AUTS2: variants seen among roughly 807,000 people sequenced by gnomAD.
AUTS2 encodes the protein activator of transcription and developmental regulator AUTS2, also known as autism susceptibility gene 2 protein.
In AUTS2, 17 loss-of-function variants were observed where a neutral mutation model predicts 112.4. The ratio of observed to expected loss-of-function variants is 0.15; its 90% confidence interval spans 0.10 to 0.23. The LOEUF (loss-of-function observed/expected upper bound fraction) is 0.23. Ranked by LOEUF, AUTS2 falls within the 10% of genes least tolerant of loss-of-function variation. The pLI, the probability that AUTS2 is intolerant of heterozygous loss-of-function variation, is 1.00. For missense variants in AUTS2, 1,510 were observed against 1,701.6 expected (o/e 0.89, Z 1.98); for synonymous variants, 751 against 702.7 (o/e 1.07, Z -1.09).
At chr7:70,179,461 T>C (rs1303777157) in intron 4 of AUTS2, among the ~76,000 whole-genome samples, 1 of 152,180 alleles carries the variant, frequency 6.6e-6, no homozygotes, top group Non-Finnish European at 1.5e-5. Flanking sequence ...CCTCCAGCAG[T>C]GTCACCTGCT....
At position 69,833,207 on chromosome 7, in the gene AUTS2, C is replaced by T. The variant is rs144008946; in HGVS notation, c.310-66079C>T. On this transcript the variant is annotated intron_variant, in intron 1 of 18. Transcript: ENST00000342771. ...GGTCCTCCAGTGATGTCTAGGTTAC[C>T]GGTCCGGGAACCACCCATTAAGAAT... is the stretch of plus-strand genomic sequence containing the variant. Among the ~76,000 whole-genome samples the T allele has an allele frequency of 7.5e-3, 1,146 of 152,156 alleles. 12 individuals carry two copies. Among genetic ancestry groups the T allele is most frequent in the South Asian group, 0.039 (189 of 4,822 alleles).
chr7:69,923,871 G>T (rs1795907138), intron 2 of AUTS2, among the ~76,000 whole-genome samples: 2 of 152,096 alleles, frequency 1.3e-5, no homozygotes, highest in African/African-American at 2.4e-5. Context: ...TTTCTACATG[G>T]ATGATCATAT....
intron 5 of AUTS2, among the ~76,000 whole-genome samples, chr7:70,602,939 A>C (rs1219297314): frequency 6.6e-6 from 1 of 152,212 alleles, no homozygotes; most frequent in South Asian, 2.1e-4. Context: ...CACAAGTGGT[A>C]TGTGCTGAGA....
intron 1 of AUTS2, among the ~76,000 whole-genome samples, chr7:69,710,845 A>G (rs1180917210): frequency 6.6e-6 from 1 of 152,140 alleles, no homozygotes; most frequent in Non-Finnish European, 1.5e-5. Context: ...TCTGAACTGT[A>G]TTTCATTTAG....
At chr7:70,714,517 TCCA>T (rs1383069266) in intron 6 of AUTS2, among the ~76,000 whole-genome samples, 2 of 152,164 alleles carry the variant, frequency 1.3e-5, no homozygotes, top group African/African-American at 4.8e-5. Flanking sequence ...TGATCTCATC[TCCA>T]TGATTGTCCC....
intron 5 of AUTS2, among the ~76,000 whole-genome samples, chr7:70,549,768 C>T: frequency 6.6e-6 from 1 of 152,164 alleles, no homozygotes; most frequent in East Asian, 1.9e-4. Flanking sequence ...GTTATTTCAG[C>T]AACCTGACCA....
chr7:70,737,270 T>A (rs1403731086), intron 6 of AUTS2, among the ~76,000 whole-genome samples: 1 of 152,204 alleles, frequency 6.6e-6, no homozygotes, highest in African/African-American at 2.4e-5. Flanking sequence ...GCAGAGACCA[T>A]GGGCATCAGC....
chr7:70,067,684 A>G (rs561977497), intron 2 of AUTS2, among the ~76,000 whole-genome samples: 2 of 152,262 alleles, frequency 1.3e-5, no homozygotes, highest in African/African-American at 4.8e-5. Flanking sequence ...CATCTCTACA[A>G]ATAATTTAAG....
chr7:69,949,225 C>T (rs902441881), intron 2 of AUTS2, among the ~76,000 whole-genome samples: 2 of 152,158 alleles, frequency 1.3e-5, no homozygotes, highest in African/African-American at 4.8e-5. Flanking sequence ...GTATGTAATG[C>T]ATATGATGTA....
At chr7:70,753,573 A>C (rs1226637445) in intron 6 of AUTS2, among the ~76,000 whole-genome samples, 2 of 152,206 alleles carry the variant, frequency 1.3e-5, no homozygotes, top group Non-Finnish European at 2.9e-5. Flanking sequence ...CGTTCAAGTA[A>C]TTGAATCTTC....
intron 1 of AUTS2, among the ~76,000 whole-genome samples, chr7:69,697,676 C>T (rs1463113302): frequency 6.6e-6 from 1 of 152,238 alleles, no homozygotes; most frequent in African/African-American, 2.4e-5. Context: ...TGTATTCAGA[C>T]ACTCCTGAAC....
chr7:70,141,000 T>C (rs989527849), intron 4 of AUTS2, among the ~76,000 whole-genome samples: 4 of 151,946 alleles, frequency 2.6e-5, no homozygotes, highest in Non-Finnish European at 5.9e-5. Context: ...AGCAAACTGA[T>C]TGGTCTATGA....
intron 1 of AUTS2, among the ~76,000 whole-genome samples, chr7:69,711,699 A>G (rs1350979424): frequency 6.6e-6 from 1 of 152,192 alleles, no homozygotes; most frequent in East Asian, 1.9e-4. Flanking sequence ...AAAATAACCA[A>G]TCAAATTATT....
intron 1 of AUTS2, among the ~76,000 whole-genome samples, chr7:69,796,859 A>T (rs1214623530): frequency 6.6e-6 from 1 of 152,042 alleles, no homozygotes. Flanking sequence ...AAAAATTGTG[A>T]TTATTTCTTT....
chr7:70,756,268 T>G (rs1433478137), intron 6 of AUTS2, among the ~76,000 whole-genome samples: 4 of 152,218 alleles, frequency 2.6e-5, no homozygotes, highest in Non-Finnish European at 5.9e-5. Context: ...ATTGATTACT[T>G]ACTTATTATG....
chr7:69,950,201 A>C (rs1282535861), intron 2 of AUTS2, among the ~76,000 whole-genome samples: 2 of 152,144 alleles, frequency 1.3e-5, no homozygotes, highest in Non-Finnish European at 2.9e-5. Context: ...TACCTATATA[A>C]ATTTTAAAAA....
chr7:70,700,062 A>G (rs1169206671), intron 6 of AUTS2, among the ~76,000 whole-genome samples: 1 of 152,224 alleles, frequency 6.6e-6, no homozygotes, highest in East Asian at 1.9e-4. Flanking sequence ...GTTGGCTCCA[A>G]GACCTGCACT....
intron 2 of AUTS2, among the ~76,000 whole-genome samples, chr7:70,022,165 A>AT (rs1450137551): frequency 4.4e-4 from 66 of 150,880 alleles, no homozygotes; most frequent in African/African-American, 1.2e-3. Flanking sequence ...CAGAGAAAGG[A>AT]GAGAGTTGTT....
At chr7:69,718,453 A>G (rs1386788913) in intron 1 of AUTS2, among the ~76,000 whole-genome samples, 1 of 152,118 alleles carries the variant, frequency 6.6e-6, no homozygotes, top group Non-Finnish European at 1.5e-5. Flanking sequence ...GGCTTCCCTG[A>G]ACTCCTAGGT....
Sources: gnomAD v4.1 joint callset for allele counts (sites outside exome capture counted in the v4.1 genomes callset) on GRCh38, gnomAD v4.1.1 for gene constraint, MANE v1.5 for transcripts, NCBI Gene and HGNC (gene_info 2026-07-23, HGNC 2026-07-21) for gene names.